TNRC6B: variants seen among roughly 807,000 people sequenced by gnomAD.
The protein encoded by TNRC6B is trinucleotide repeat containing adaptor 6B.
A neutral mutation model predicts 203.6 loss-of-function variants in TNRC6B; 52 were observed. The observed-to-expected ratio is 0.26, with a 90% CI of 0.20 to 0.32. The LOEUF is 0.32. Among genes scored for constraint, TNRC6B ranks in the 10% least tolerant of loss-of-function variants. The pLI, the probability that TNRC6B is intolerant of heterozygous loss-of-function variation, is 1.00. For synonymous variants in TNRC6B, 838 were observed against 845.7 expected, an observed-to-expected ratio of 0.99 and a Z score of 0.16; for missense variants, 1,923 against 2,286.2, an observed-to-expected ratio of 0.84 and a Z score of 3.24.
chr22:40,317,451 G>A (rs944448697), intron 21 of TNRC6B, among the ~76,000 whole-genome samples: 5 of 152,164 alleles, frequency 3.3e-5, no homozygotes, highest in Admixed American at 6.5e-5. Context: ...AGTGGCACAC[G>A]CCTGTAGTCC....
chr22:40,288,271 G>A (rs1404567262), intron 12 of TNRC6B, among the ~76,000 whole-genome samples: 1 of 133,618 alleles, frequency 7.5e-6, no homozygotes, highest in Non-Finnish European at 1.7e-5. Context: ...ACAGTTCCCA[G>A]GTCTCCAGTC....
intron 3 of TNRC6B, chr22:40,126,002 A>AT (rs1335446470): frequency 4.6e-6 from 4 of 878,688 alleles, no homozygotes; most frequent in Non-Finnish European, 6.6e-6. Context: ...ATTGAGAAAT[A>AT]TTTTTTCTTT....
At chr22:40,274,520 A>G (rs1169863687) in intron 7 of TNRC6B, among the ~76,000 whole-genome samples, 1 of 150,526 alleles carries the variant, frequency 6.6e-6, no homozygotes, top group Non-Finnish European at 1.5e-5. Flanking sequence ...TCCCAGGTTC[A>G]CACCATTCTC....
rs564405455 is a variant in TNRC6B, at chr22:40,332,529, T to G, written c.*9288T>G. The G allele has an allele frequency of 6.7e-6, 1 of 149,922 alleles. No homozygotes were observed. Among genetic ancestry groups the G allele is most frequent in the Non-Finnish European group, 1.5e-5 (1 of 66,442 alleles). 9.3% of individuals were successfully genotyped at this position (149,922 alleles called of 1,614,324 possible). ...GATTGTTCTGCCTATATTCAGTGTT[T>G]TCCATGCAGCAATTCTTCTTGTTGA... On this transcript the variant is annotated 3_prime_UTR_variant, in exon 23 of 23. Coordinates refer to ENST00000454349, the MANE Select transcript of TNRC6B (RefSeq NM_001162501.2).
In TNRC6B at chr22:40,266,364, G is replaced by C; in HGVS notation, c.2134G>C (p.Gly712Arg). 6.2e-7 allele frequency: 1 copy of C among 1,612,104 alleles called. No individual in the cohort carries two copies. The highest frequency in any genetic ancestry group is 8.5e-7 in the Non-Finnish European group (1 of 1,179,052). ...KNNNSSNWGGGRPDEKTPSSW... is the reference protein window; with the variant it reads ...KNNNSSNWGGRRPDEKTPSSW... ...CAACAACTCTTCCAACTGGGGAGGAGGACGACCTGATGAAAAGACACCTTC... is the reference window on the plus strand; with the variant it reads ...CAACAACTCTTCCAACTGGGGAGGACGACGACCTGATGAAAAGACACCTTC... Residue 712 changes from glycine (G) to arginine (R), a missense_variant, in exon 5 of 23, where the codon GGA (glycine) becomes CGA (arginine). By Grantham distance (125) the Gly-to-Arg change is moderately radical. Around this residue, in one of 8 missense-constraint regions of TNRC6B, gnomAD observed 599 missense variants for 656.5 expected, o/e 0.91. Transcript: ENST00000454349.
intron 3 of TNRC6B, among the ~76,000 whole-genome samples, chr22:40,145,083 AAAAAT>A (rs1168601814): frequency 1.3e-5 from 2 of 151,666 alleles, no homozygotes; most frequent in Admixed American, 6.6e-5. Context: ...AAAAAAAAAA[AAAAAT>A]TTTTTTAATT....
chr22:40,295,848 G>A (rs561704027), intron 12 of TNRC6B, among the ~76,000 whole-genome samples: 1 of 152,226 alleles, frequency 6.6e-6, no homozygotes, highest in East Asian at 1.9e-4. Flanking sequence ...ACAGAGTGGA[G>A]GTAAAAATTT....
At chr22:40,046,323 A>G (rs1432155500) in intron 1 of TNRC6B, among the ~76,000 whole-genome samples, 1 of 152,208 alleles carries the variant, frequency 6.6e-6, no homozygotes, top group African/African-American at 2.4e-5. Flanking sequence ...AGCGCGCAGC[A>G]TTGCTGTAGG....
chr22:40,318,059 T>C (rs898702334), intron 21 of TNRC6B, among the ~76,000 whole-genome samples: 2 of 152,230 alleles, frequency 1.3e-5, no homozygotes, highest in African/African-American at 4.8e-5. Context: ...CTTAGGCCTT[T>C]TAATACGCTA....
chr22:40,131,417 T>TTC (rs1893367110), intron 3 of TNRC6B, among the ~76,000 whole-genome samples: 1 of 151,906 alleles, frequency 6.6e-6, no homozygotes, highest in South Asian at 2.1e-4. Flanking sequence ...TTTTTTTTTT[T>TTC]TCTCTGCCAG....
intron 4 of TNRC6B, among the ~76,000 whole-genome samples, chr22:40,162,528 A>G (rs975690544): frequency 3.6e-4 from 55 of 152,348 alleles, no homozygotes; most frequent in Non-Finnish European, 5.0e-4. Flanking sequence ...CAAAGTAAAA[A>G]TATTTCCAAA....
intron 1 of TNRC6B, chr22:40,107,108 A>G (rs983292511): frequency 3.1e-6 from 2 of 643,226 alleles, no homozygotes; most frequent in Non-Finnish European, 5.5e-6. Context: ...TTGATGAACA[A>G]ATACTCTTAA....
intron 1 of TNRC6B, among the ~76,000 whole-genome samples, chr22:40,205,957 G>C (rs907411063): frequency 6.6e-6 from 1 of 152,118 alleles, no homozygotes; most frequent in Non-Finnish European, 1.5e-5. Flanking sequence ...TAGTACTTAA[G>C]AAATAATGCA....
At chr22:40,154,112 G>C (rs1368599516) in intron 3 of TNRC6B, among the ~76,000 whole-genome samples, 2 of 151,822 alleles carry the variant, frequency 1.3e-5, no homozygotes, top group Non-Finnish European at 2.9e-5. Flanking sequence ...GTCCCCCGAA[G>C]TAGCTGGGAC....
chr22:40,286,394 C>G (rs141966324), intron 12 of TNRC6B, among the ~76,000 whole-genome samples: 1 of 152,128 alleles, frequency 6.6e-6, no homozygotes, highest in African/African-American at 2.4e-5. Context: ...GTAATCCTAG[C>G]TACTCAAGAG....
chr22:40,083,072 A>C (rs1419843228), intron 1 of TNRC6B, among the ~76,000 whole-genome samples: 1 of 152,196 alleles, frequency 6.6e-6, no homozygotes. Context: ...AATGGAGAAT[A>C]TTGTTTAAGG....
intron 1 of TNRC6B, among the ~76,000 whole-genome samples, chr22:40,091,187 G>A (rs1263898816): frequency 1.3e-5 from 2 of 151,880 alleles, no homozygotes; most frequent in Non-Finnish European, 2.9e-5. Flanking sequence ...GTTTCACCGT[G>A]TTAGCCAGGA....
At chr22:40,282,201 A>G (rs150884374) in intron 11 of TNRC6B, among the ~76,000 whole-genome samples, 5 of 152,318 alleles carry the variant, frequency 3.3e-5, no homozygotes, top group African/African-American at 7.2e-5. Flanking sequence ...CTGTCTCCAT[A>G]TGATAACTTC....
intron 11 of TNRC6B, among the ~76,000 whole-genome samples, chr22:40,284,619 A>G (rs1206060826): frequency 6.6e-6 from 1 of 152,226 alleles, no homozygotes; most frequent in Non-Finnish European, 1.5e-5. Context: ...AAGATTTAAC[A>G]GTAGAAAGAC....
Sources: allele counts gnomAD v4.1 joint callset (sites outside exome capture counted in the v4.1 genomes callset), GRCh38; gene constraint gnomAD v4.1.1; regional missense constraint gnomAD v4.1.1; transcripts MANE v1.5; gene names NCBI Gene and HGNC (gene_info 2026-07-23, HGNC 2026-07-21).